CHL1: variants seen among roughly 807,000 people sequenced by gnomAD.
CHL1 encodes the protein neural cell adhesion molecule L1-like protein.
A neutral mutation model predicts 141.9 loss-of-function variants in CHL1; 96 were observed. That is an observed-to-expected ratio of 0.68 (90% CI 0.57 to 0.80). The LOEUF (loss-of-function observed/expected upper bound fraction) is 0.80, where lower values mean the gene tolerates loss of function less well. CHL1 is among the 30% of genes least tolerant of loss of function. CHL1 has a pLI of 0.00. For synonymous variants in CHL1, 613 were observed against 502.2 expected (o/e 1.22, Z -2.95); for missense variants, 1,820 against 1,457.2 (o/e 1.25, Z -4.05).
At chr3:368,049 A>G (rs1404850051) in intron 15 of CHL1, among the ~76,000 whole-genome samples, 1 of 152,202 alleles carries the variant, frequency 6.6e-6, no homozygotes, top group African/African-American at 2.4e-5. Context: ...ATAGTGCTGC[A>G]ATAAACATAT....
chr3:377,740 A>G, intron 15 of CHL1, 78 bp from the exon 16 acceptor site: 1 of 1,227,988 alleles, frequency 8.1e-7, no homozygotes, highest in Non-Finnish European at 1.1e-6. Context: ...GATAAGGAAT[A>G]TGCATTTTTA....
chr3:226,603 C>T (rs989235680), intron 1 of CHL1, among the ~76,000 whole-genome samples: 6 of 151,654 alleles, frequency 4.0e-5, no homozygotes, highest in Admixed American at 3.3e-4. Flanking sequence ...GCGCACACCA[C>T]GCCCAGCTAA....
chr3:219,022 A>G (rs1451244207), intron 1 of CHL1, among the ~76,000 whole-genome samples: 3 of 151,800 alleles, frequency 2.0e-5, no homozygotes, highest in Admixed American at 6.6e-5. Flanking sequence ...GGTGGCGGGC[A>G]CCTGTAGTCC....
intron 2 of CHL1, among the ~76,000 whole-genome samples, chr3:273,886 T>C (rs2125257056): frequency 1.3e-5 from 2 of 151,562 alleles, no homozygotes; most frequent in East Asian, 3.9e-4. Context: ...CAGATAATTC[T>C]TTCTGAAATA....
rs1704124210 is a variant in CHL1 at position 360,440 on chromosome 3, A to G, written c.1306+16A>G. The G allele has an allele frequency of 1.2e-6, 2 of 1,612,366 alleles. No individual in the cohort carries two copies. The highest frequency in any genetic ancestry group is 2.2e-5 in the East Asian group (1 of 44,834). On this transcript the variant is annotated intron_variant, in intron 12 of 27. Coordinates refer to ENST00000256509, the MANE Select transcript of CHL1 (RefSeq NM_006614.4). ...GATGTTGTGGGTGAGTGTGCCTGGGAGCTGACTTAACATGCTATTTTCCTA... is the reference window on the plus strand; with the variant it reads ...GATGTTGTGGGTGAGTGTGCCTGGGGGCTGACTTAACATGCTATTTTCCTA...
intron 1 of CHL1, among the ~76,000 whole-genome samples, chr3:234,513 A>ATATTTAAAGTACTGAAAATTAGTG (rs1691752312): frequency 6.6e-6 from 1 of 151,868 alleles, no homozygotes; most frequent in Non-Finnish European, 1.5e-5. Context: ...GAAAATTAGT[A>ATATTTAAAGTACTGAAAATTAGTG]ATATTTAAAG....
chr3:333,592 G>C (rs1295668926), intron 5 of CHL1, among the ~76,000 whole-genome samples: 1 of 152,094 alleles, frequency 6.6e-6, no homozygotes, highest in African/African-American at 2.4e-5. Context: ...TATTATCCAA[G>C]ACATGGCACA....
chr3:303,312 G>A (rs1036302405), intron 2 of CHL1, among the ~76,000 whole-genome samples: 5 of 151,638 alleles, frequency 3.3e-5, no homozygotes, highest in Admixed American at 2.0e-4. Flanking sequence ...GGATAGCATT[G>A]AATCTATACA....
chr3:248,542 C>T (rs1011240952), intron 2 of CHL1: 2 of 151,954 alleles, frequency 1.3e-5, no homozygotes, highest in Non-Finnish European at 2.9e-5. Flanking sequence ...TGGACATATC[C>T]GAGGACTCAT....
intron 2 of CHL1, among the ~76,000 whole-genome samples, chr3:250,522 T>A (rs1350858230): frequency 6.6e-6 from 1 of 151,972 alleles, no homozygotes; most frequent in Non-Finnish European, 1.5e-5. Flanking sequence ...TGAGTTTCTA[T>A]CTCCAGTGAT....
chr3:246,652 G>A (rs762350609), intron 2 of CHL1: 1 of 151,990 alleles, frequency 6.6e-6, no homozygotes, highest in Non-Finnish European at 1.5e-5. Flanking sequence ...TTCAAGCTCT[G>A]ATTAGATTAC....
Position 378,791 on chromosome 3 carries a change from G to A in CHL1, c.1876+849G>A, listed in dbSNP as rs1575222811. On this transcript the variant is annotated intron_variant, in intron 16 of 27. Coordinates refer to ENST00000256509, the MANE Select transcript of CHL1 (RefSeq NM_006614.4). ...GTCTCCTCACACCATTCCTTCTGAT[G>A]AGGCTCTAGCAGCTGCATCCCACCA... Among the ~76,000 whole-genome samples, 5 of 152,226 alleles carry A rather than the reference G, an allele frequency of 3.3e-5. No individual in the cohort carries two copies. In the South Asian group the frequency reaches 1.0e-3, roughly 32 times the overall value.
rs374345898 is a variant in CHL1 at position 391,037 on chromosome 3, G to C, written c.2669G>C (p.Arg890Thr). 9.9e-6 allele frequency: 16 copies of C among 1,613,884 alleles called. No individual in the cohort carries two copies. Among genetic ancestry groups the C allele is most frequent in the African/African-American group, 4.0e-5 (3 of 74,934 alleles). ...AACATTCTAAGATTTTCAGGACAAA[G>C]AAACTCTGGAATGGTTCCTTCCTTA... ...EVNILRFSGQ[R>T]NSGMVPSLDA... Residue 890 changes from arginine to threonine, a missense_variant, in exon 22 of 28, where the codon AGA (arginine) becomes ACA (threonine). Physicochemically the swap from Arg to Thr is moderately conservative, Grantham distance 71 (BLOSUM62 -1). Coordinates refer to ENST00000256509, the MANE Select transcript of CHL1 (RefSeq NM_006614.4).
chr3:200,768 A>C (rs984669698), intron 1 of CHL1, among the ~76,000 whole-genome samples: 19 of 152,222 alleles, frequency 1.2e-4, no homozygotes, highest in African/African-American at 4.6e-4. Flanking sequence ...TTTGGTGATC[A>C]CATGCCTTTC....
At chr3:300,312 A>T (rs1262100562) in intron 2 of CHL1, among the ~76,000 whole-genome samples, 1 of 152,148 alleles carries the variant, frequency 6.6e-6, no homozygotes, top group Non-Finnish European at 1.5e-5. Context: ...TGGGGGCTGA[A>T]TGCTAAAGTT....
chr3:283,590 G>T lies in CHL1; in HGVS notation c.-94-36093G>T, dbSNP rs138252142. ...AATTTGATGTTAGCATATGATAGTT[G>T]TCTAATAAATACATGTTAAATTAAA... On this transcript the variant is annotated intron_variant, in intron 2 of 27. Transcript: ENST00000256509. 8.7e-3 allele frequency among the ~76,000 whole-genome samples: 1,318 copies of T among 152,270 alleles called. 17 individuals are homozygous for T. The highest frequency in any genetic ancestry group is 0.03 in the African/African-American group (1,251 of 41,554).
At chr3:300,542 T>C (rs1293611931) in intron 2 of CHL1, among the ~76,000 whole-genome samples, 1 of 152,202 alleles carries the variant, frequency 6.6e-6, no homozygotes, top group East Asian at 1.9e-4. Context: ...CCAATTATTT[T>C]ATATGTACTC....
At chr3:233,803 A>G in intron 1 of CHL1, among the ~76,000 whole-genome samples, 1 of 152,046 alleles carries the variant, frequency 6.6e-6, no homozygotes, top group East Asian at 1.9e-4. Context: ...CTACATATTT[A>G]ATTATTTCTC....
At chr3:262,747 G>C (rs1694839474) in intron 2 of CHL1, among the ~76,000 whole-genome samples, 1 of 152,220 alleles carries the variant, frequency 6.6e-6, no homozygotes. Flanking sequence ...AACTAGTCTT[G>C]TCAGACTTTC....
Sources: gnomAD v4.1 joint callset for allele counts (sites outside exome capture counted in the v4.1 genomes callset) on GRCh38, gnomAD v4.1.1 for gene constraint, MANE v1.5 for transcripts, NCBI Gene and HGNC (gene_info 2026-07-23, HGNC 2026-07-21) for gene names.